The following STK3 variants were observed in gnomAD, a reference collection of about 807,000 sequenced individuals.
STK3 encodes the protein serine/threonine-protein kinase 3.
Under a neutral mutation model 58.0 loss-of-function variants are expected in STK3, and 41 were observed. That is an observed-to-expected ratio of 0.71 (90% CI 0.55 to 0.92). The LOEUF (loss-of-function observed/expected upper bound fraction) is 0.92. Among genes scored for constraint, STK3 ranks in the 40% least tolerant of loss-of-function variants. The pLI is 0.00. For missense variants in STK3, 479 were observed against 602.7 expected (o/e 0.79, Z 2.15); for synonymous variants, 170 against 191.0 (o/e 0.89, Z 0.91).
At chr8:98,629,786 G>C (rs1455149703) in intron 6 of STK3, among the ~76,000 whole-genome samples, 1 of 152,118 alleles carries the variant, frequency 6.6e-6, no homozygotes, top group Non-Finnish European at 1.5e-5. Flanking sequence ...CCCTCCCAAG[G>C]CTAGCTACTT....
In STK3 at chr8:98,654,594, T is replaced by C. The variant is rs201807925; in HGVS notation, c.684+51873A>G. Among the ~76,000 whole-genome samples, 47 of 152,222 alleles carry C rather than the reference T, an allele frequency of 3.1e-4. No homozygotes were observed. In the South Asian group the frequency reaches 8.7e-3, roughly 28 times the overall value. On this transcript the variant is annotated intron_variant, in intron 6 of 10. Coordinates refer to ENST00000419617, the MANE Select transcript of STK3 (RefSeq NM_006281.4). Reference sequence around the variant, plus strand: ...GGATATCTAGAAAACCCCATTGTGTTAGCCCAAAATCTCCTTAAGCTGATA... The same window carrying C: ...GGATATCTAGAAAACCCCATTGTGTCAGCCCAAAATCTCCTTAAGCTGATA...
intron 8 of STK3, among the ~76,000 whole-genome samples, chr8:98,569,178 C>T (rs1211424942): frequency 6.6e-6 from 1 of 152,072 alleles, no homozygotes; most frequent in Non-Finnish European, 1.5e-5. Flanking sequence ...CAAAATTTTA[C>T]ACCCAATCAA....
intron 6 of STK3, chr8:98,651,615 A>C (rs1240218968): frequency 1.3e-5 from 2 of 152,438 alleles, no homozygotes; most frequent in Non-Finnish European, 2.9e-5. Context: ...CGAATGTATA[A>C]CTAGAATAAC....
intron 1 of STK3, among the ~76,000 whole-genome samples, chr8:98,935,270 AAC>A (rs1435447967): frequency 6.6e-6 from 1 of 152,196 alleles, no homozygotes; most frequent in Non-Finnish European, 1.5e-5. Context: ...AGTTGGTGAA[AAC>A]ACATGATAGA....
At chr8:98,348,159 A>G in the STK3 span, among the ~76,000 whole-genome samples, 3 of 152,216 alleles carry the variant, frequency 2.0e-5, no homozygotes, top group South Asian at 6.2e-4. Context: ...CAATGAGGAA[A>G]AGACAGTCTT....
chr8:98,740,126 C>A (rs1212990477), intron 4 of STK3, among the ~76,000 whole-genome samples: 1 of 152,130 alleles, frequency 6.6e-6, no homozygotes, highest in East Asian at 1.9e-4. Context: ...CACTGGTGTA[C>A]CTGAAAGTGA....
downstream of STK3, chr8:98,880,576 A>G (rs926708156): frequency 6.6e-6 from 1 of 152,228 alleles, no homozygotes; most frequent in African/African-American, 2.4e-5. Context: ...AGAACCAAGA[A>G]TACAAATCAA....
At chr8:98,749,094 C>T (rs184168626) in intron 4 of STK3, among the ~76,000 whole-genome samples, 182 bp downstream of exon 4, 1 of 151,890 alleles carries the variant, frequency 6.6e-6, no homozygotes, top group Admixed American at 6.6e-5. Context: ...CATGTAATTC[C>T]TAAATTTGTT....
At chr8:98,758,882 A>G (rs1387196078) in intron 3 of STK3, among the ~76,000 whole-genome samples, 1 of 152,148 alleles carries the variant, frequency 6.6e-6, no homozygotes, top group East Asian at 1.9e-4. Context: ...TCATGAACCA[A>G]CCTCTGCTAG....
intron 6 of STK3, among the ~76,000 whole-genome samples, chr8:98,613,470 T>C (rs1353356190): frequency 6.6e-6 from 1 of 152,038 alleles, no homozygotes; most frequent in Non-Finnish European, 1.5e-5. Context: ...TGAAAATAAC[T>C]GAAACAATGT....
intron 2 of STK3, among the ~76,000 whole-genome samples, chr8:98,374,349 C>T (rs1203511250): frequency 6.6e-6 from 1 of 152,034 alleles, no homozygotes; most frequent in Non-Finnish European, 1.5e-5. Flanking sequence ...ACCAACCACT[C>T]ATATCTGGTG....
At chr8:98,347,680 A>G in the STK3 span, among the ~76,000 whole-genome samples, 2 of 152,210 alleles carry the variant, frequency 1.3e-5, no homozygotes, top group Non-Finnish European at 2.9e-5. Flanking sequence ...TGTTGAAACA[A>G]TCTCAATTAA....
At chr8:98,912,882 GT>G (rs1004665004) in intron 1 of STK3, among the ~76,000 whole-genome samples, 1 of 151,656 alleles carries the variant, frequency 6.6e-6, no homozygotes. Context: ...TTTGTTTTTT[GT>G]TTTTTTGACA....
rs56187203 is a variant in STK3, at chr8:98,915,432, CTATA to C, written c.-79+26942_-79+26945del. On this transcript the variant is annotated intron_variant, in intron 1 of 1. Coordinates refer to the STK3 transcript ENST00000519420. ...GTGAGTTAATACTTAATAAACTTTC[CTATA>C]TATATATATATATATATATATATAT... Among the ~76,000 whole-genome samples the C allele has an allele frequency of 9.2e-3, 867 of 94,686 alleles. 23 individuals are homozygous for C. Among genetic ancestry groups the C allele is most frequent in the African/African-American group, 0.039 (695 of 17,834 alleles). 62.1% of individuals were successfully genotyped at this position (94,686 alleles called of 152,430 possible).
Position 98,767,345 on chromosome 8 carries a change from A to G in STK3, c.134T>C (p.Ile45Thr), listed in dbSNP as rs1831012964. The G allele has an allele frequency of 6.2e-7, 1 of 1,607,558 alleles. No homozygotes were observed. Residue 45 changes from isoleucine to threonine, a missense_variant, in exon 3 of 11, where the codon ATA becomes ACA. Around this residue, in one of 3 missense-constraint regions of STK3, gnomAD observed 126 missense variants for 210.1 expected, o/e 0.60. Coordinates refer to ENST00000419617, the MANE Select transcript of STK3 (RefSeq NM_006281.4). ...EGSYGSVFKA[I>T]HKESGQVVAI... is the part of the protein sequence containing the mutation. ...GACAACTTGACCGGATTCCTTGTGT[A>G]TTGCTTTAAATACACTTCCATAAGA...
chr8:98,494,349 C>T (rs1432166285), intron 10 of STK3, among the ~76,000 whole-genome samples: 1 of 152,198 alleles, frequency 6.6e-6, no homozygotes, highest in African/African-American at 2.4e-5. Flanking sequence ...TCTCTAACAG[C>T]ATCCCTTTTC....
chr8:98,833,745 G>A (rs1835635596), intron 3 of STK3, among the ~76,000 whole-genome samples: 1 of 152,142 alleles, frequency 6.6e-6, no homozygotes, highest in South Asian at 2.1e-4. Flanking sequence ...ACCTGAACTA[G>A]TTTTTCAGGT....
intron 6 of STK3, among the ~76,000 whole-genome samples, chr8:98,681,598 AAG>A (rs1207720830): frequency 5.3e-5 from 8 of 152,250 alleles, no homozygotes; most frequent in Admixed American, 3.3e-4. Flanking sequence ...ATGAATGTTT[AAG>A]AAAATAATCT....
intron 10 of STK3, among the ~76,000 whole-genome samples, chr8:98,472,986 A>G (rs1426381577): frequency 6.6e-6 from 1 of 152,188 alleles, no homozygotes; most frequent in East Asian, 1.9e-4. Flanking sequence ...TAAAGCACTC[A>G]GCATTTTTGT....
Sources: allele counts gnomAD v4.1 joint callset (sites outside exome capture counted in the v4.1 genomes callset), GRCh38; gene constraint gnomAD v4.1.1; regional missense constraint gnomAD v4.1.1; transcripts MANE v1.5; gene names NCBI Gene and HGNC (gene_info 2026-07-23, HGNC 2026-07-21).